The following RBFOX1 variants were observed in gnomAD, a reference collection of about 807,000 sequenced individuals.
The protein encoded by RBFOX1 is RNA binding fox-1 homolog 1.
A neutral mutation model predicts 57.7 loss-of-function variants in RBFOX1; 8 were observed. That is an observed-to-expected ratio of 0.14 (90% confidence interval 0.08 to 0.25). The LOEUF is 0.25. RBFOX1 is among the 10% of genes least tolerant of loss of function. RBFOX1 has a pLI of 1.00. For synonymous variants in RBFOX1, 326 were observed against 222.4 expected (o/e 1.47, Z -4.15); for missense variants, 611 against 548.5 (o/e 1.11, Z -1.14).
At chr16:7,653,412 A>G (rs144546189) in intron 11 of RBFOX1, among the ~76,000 whole-genome samples, 1,848 of 152,276 alleles carry the variant, frequency 0.012, 18 homozygotes, top group Middle Eastern at 0.037. Context: ...AGGCTGAGGT[A>G]GGAGGATCAC....
chr16:7,619,721 A>G (rs534262959), intron 10 of RBFOX1, among the ~76,000 whole-genome samples: 26 of 152,330 alleles, frequency 1.7e-4, no homozygotes, highest in African/African-American at 5.8e-4. Flanking sequence ...GGTTCTTTGC[A>G]CAGACTTGTA....
At chr16:6,934,761 G>C (rs1014932100) in intron 3 of RBFOX1, among the ~76,000 whole-genome samples, 28 of 152,162 alleles carry the variant, frequency 1.8e-4, no homozygotes, top group African/African-American at 6.7e-4. Context: ...GATCTCAGAG[G>C]GAAAGGGGCC....
At chr16:7,525,331 C>T (rs2078452731) in intron 5 of RBFOX1, among the ~76,000 whole-genome samples, 1 of 151,972 alleles carries the variant, frequency 6.6e-6, no homozygotes, top group Non-Finnish European at 1.5e-5. Flanking sequence ...ACAGAAGTAT[C>T]CTAATGATGG....
chr16:5,985,906 A>C (rs896290299), intron 4 of RBFOX1, among the ~76,000 whole-genome samples: 8 of 152,198 alleles, frequency 5.3e-5, no homozygotes, highest in Admixed American at 2.0e-4. Context: ...AGGCCAAGGC[A>C]AACCGGTGCT....
chr16:5,292,532 C>T (rs115266265), intron 1 of RBFOX1, among the ~76,000 whole-genome samples: 1,652 of 152,226 alleles, frequency 0.011, 24 homozygotes, highest in African/African-American at 0.038. Context: ...CATTAAGACC[C>T]AATGCAAATA....
At chr16:5,913,049 G>A (rs543569271) in intron 4 of RBFOX1, among the ~76,000 whole-genome samples, 4 of 152,276 alleles carry the variant, frequency 2.6e-5, no homozygotes, top group South Asian at 4.1e-4. Context: ...ATTGCCAAGC[G>A]TGTGACCTTA....
intron 3 of RBFOX1, among the ~76,000 whole-genome samples, chr16:5,605,508 A>C (rs1270013406): frequency 2.0e-5 from 3 of 151,892 alleles, no homozygotes; most frequent in African/African-American, 7.3e-5. Context: ...ATTAATGATT[A>C]ATGTCTGCCT....
chr16:6,901,348 G>A (rs547220897), intron 3 of RBFOX1, among the ~76,000 whole-genome samples: 33 of 152,280 alleles, frequency 2.2e-4, no homozygotes, highest in South Asian at 6.2e-4. Flanking sequence ...ACCTGGAAAT[G>A]TCCCACCTAG....
At chr16:7,246,633 C>CTTTTTTTTTTTTTTTT (rs56654382) in intron 4 of RBFOX1, among the ~76,000 whole-genome samples, 31 of 105,474 alleles carry the variant, frequency 2.9e-4, no homozygotes, top group African/African-American at 1.2e-3. Flanking sequence ...TGGTCACCTC[C>CTTTTTTTTTTTTTTTT]TTTTTTTTTT....
At chr16:6,167,043 G>A (rs976363776) in intron 1 of RBFOX1, among the ~76,000 whole-genome samples, 1 of 152,176 alleles carries the variant, frequency 6.6e-6, no homozygotes, top group African/African-American at 2.4e-5. Flanking sequence ...AAAGTACTGG[G>A]ATTACAGGCA....
At chr16:7,388,314 C>G (rs552512710) in intron 4 of RBFOX1, among the ~76,000 whole-genome samples, 4 of 152,080 alleles carry the variant, frequency 2.6e-5, no homozygotes, top group African/African-American at 9.7e-5. Flanking sequence ...GGGGAAATTC[C>G]TGAATACAAG....
chr16:7,191,813 T>C (rs1162235140), intron 4 of RBFOX1, among the ~76,000 whole-genome samples: 1 of 152,192 alleles, frequency 6.6e-6, no homozygotes, highest in Non-Finnish European at 1.5e-5. Context: ...AGCATAGCCT[T>C]CTAACCATTG....
At chr16:6,548,436 A>C (rs1373166971) in intron 2 of RBFOX1, among the ~76,000 whole-genome samples, 1 of 152,180 alleles carries the variant, frequency 6.6e-6, no homozygotes, top group Non-Finnish European at 1.5e-5. Context: ...AAGGGAAGGC[A>C]CAACCAGCAT....
intron 3 of RBFOX1, among the ~76,000 whole-genome samples, chr16:6,922,539 C>A (rs1156424800): frequency 6.6e-6 from 1 of 152,070 alleles, no homozygotes; most frequent in Non-Finnish European, 1.5e-5. Context: ...TTTCCTGCGT[C>A]TGTGTTTTCA....
At chr16:7,437,265 CTGTTA>C (rs1247132975) in intron 4 of RBFOX1, among the ~76,000 whole-genome samples, 4 of 142,170 alleles carry the variant, frequency 2.8e-5, no homozygotes, top group African/African-American at 1.0e-4. Context: ...CCCCCCCTTT[CTGTTA>C]TATTAAATTA....
chr16:7,649,601 A>G (rs1021828798), intron 11 of RBFOX1, among the ~76,000 whole-genome samples: 1 of 152,114 alleles, frequency 6.6e-6, no homozygotes, highest in Non-Finnish European at 1.5e-5. Context: ...TGTACACAGG[A>G]CAGTGTTATA....
At chr16:6,271,725 AT>A (rs1237335330) in intron 1 of RBFOX1, among the ~76,000 whole-genome samples, 1 of 152,208 alleles carries the variant, frequency 6.6e-6, no homozygotes, top group African/African-American at 2.4e-5. Context: ...TCCTTGTAAA[AT>A]ACAAACCATC....
At chr16:5,984,976 A>ATATATATATATATT in intron 4 of RBFOX1, among the ~76,000 whole-genome samples, 1 of 55,704 alleles carries the variant, frequency 1.8e-5, no homozygotes, top group South Asian at 7.7e-4. Context: ...ATATATATAT[A>ATATATATATATATT]TTTTTTTTTT....
At chr16:6,030,381 G>T (rs1460448630) in intron 1 of RBFOX1, among the ~76,000 whole-genome samples, 1 of 152,170 alleles carries the variant, frequency 6.6e-6, no homozygotes, top group Non-Finnish European at 1.5e-5. Context: ...AGCCTGCCAG[G>T]AATCTCAGAG....
Sources: gnomAD v4.1 joint callset for allele counts (sites outside exome capture counted in the v4.1 genomes callset) on GRCh38, gnomAD v4.1.1 for gene constraint, MANE v1.5 for transcripts, NCBI Gene and HGNC (gene_info 2026-07-23, HGNC 2026-07-21) for gene names.